LRRTM4: variants seen among roughly 807,000 people sequenced by gnomAD.
LRRTM4 encodes the protein leucine rich repeat transmembrane neuronal 4.
Under a neutral mutation model 47.6 loss-of-function variants are expected in LRRTM4, and 25 were observed. The ratio of observed to expected loss-of-function variants is 0.53; its 90% CI spans 0.38 to 0.73. LRRTM4 has a LOEUF of 0.73. Among genes scored for constraint, LRRTM4 ranks in the 30% least tolerant of loss-of-function variants. The pLI is 0.00. For synonymous variants in LRRTM4, 311 were observed against 269.5 expected, an observed-to-expected ratio of 1.15 and a Z score of -1.51; for missense variants, 638 against 713.4, an observed-to-expected ratio of 0.89 and a Z score of 1.20.
At chr2:77,475,322 T>TG (rs1175215155) in intron 3 of LRRTM4, among the ~76,000 whole-genome samples, 1 of 152,086 alleles carries the variant, frequency 6.6e-6, no homozygotes, top group Admixed American at 6.6e-5. Context: ...TTTTTCCTTT[T>TG]GGGAAAAGCA....
intron 3 of LRRTM4, among the ~76,000 whole-genome samples, chr2:77,403,884 AT>A (rs1308724264): frequency 2.0e-5 from 3 of 148,108 alleles, no homozygotes; most frequent in African/African-American, 7.9e-5. Flanking sequence ...ATATATATAT[AT>A]TTTAGGAAAG....
At chr2:76,780,843 C>A (rs373188604) in intron 3 of LRRTM4, among the ~76,000 whole-genome samples, 1 of 146,662 alleles carries the variant, frequency 6.8e-6, no homozygotes, top group Admixed American at 7.0e-5. Context: ...CTCTGCTTTT[C>A]AGAGTTTCCA....
Position 77,403,332 on chromosome 2 carries a change from T to C in LRRTM4, c.1551+114986A>G, listed in dbSNP as rs1295627875. ...CCAATCCTACTGAACAAATTTTATGTCATGTCTTTTTCATATGATGGGAAC... is the reference window on the plus strand; with the variant it reads ...CCAATCCTACTGAACAAATTTTATGCCATGTCTTTTTCATATGATGGGAAC... On this transcript the variant is annotated intron_variant, in intron 3 of 3. Transcript: ENST00000409884. 3.9e-5 allele frequency among the ~76,000 whole-genome samples: 6 copies of C among 151,940 alleles called. No homozygotes were observed. In the Admixed American group the frequency reaches 3.9e-4, roughly 10 times the overall value.
At chr2:77,072,954 T>C (rs1335506621) in intron 3 of LRRTM4, among the ~76,000 whole-genome samples, 1 of 152,146 alleles carries the variant, frequency 6.6e-6, no homozygotes, top group Non-Finnish European at 1.5e-5. Context: ...TAAATATTAT[T>C]CTTAAGCACA....
At position 77,472,569 on chromosome 2, in the gene LRRTM4, A is replaced by C. The variant is rs542881034; in HGVS notation, c.1551+45749T>G. ...TCCCTAAAATGAAGGGGATTCTGTAAGAGCAGGGCTTTGTCTATACCAAGA... is the reference window on the plus strand; with the variant it reads ...TCCCTAAAATGAAGGGGATTCTGTACGAGCAGGGCTTTGTCTATACCAAGA... On this transcript the variant is annotated intron_variant, in intron 3 of 3. Transcript: ENST00000409884. Among the ~76,000 whole-genome samples the C allele has an allele frequency of 2.2e-3, 332 of 152,144 alleles. 6 individuals are homozygous for C. Among genetic ancestry groups the C allele is most frequent in the Admixed American group, 0.019 (287 of 15,258 alleles).
At chr2:77,104,878 G>A (rs940456776) in intron 3 of LRRTM4, among the ~76,000 whole-genome samples, 1 of 152,090 alleles carries the variant, frequency 6.6e-6, no homozygotes, top group Non-Finnish European at 1.5e-5. Flanking sequence ...AGTCATGTAT[G>A]GAAGAAACCC....
intron 3 of LRRTM4, among the ~76,000 whole-genome samples, chr2:77,190,223 T>G (rs184829772): frequency 8.6e-5 from 13 of 152,042 alleles, no homozygotes; most frequent in African/African-American, 3.1e-4. Flanking sequence ...CATTTGTATA[T>G]TGGTTGGAGA....
chr2:77,025,199 TG>T (rs1022431659), intron 3 of LRRTM4, among the ~76,000 whole-genome samples: 16 of 152,320 alleles, frequency 1.1e-4, no homozygotes, highest in African/African-American at 3.4e-4. Context: ...TATATTTAGC[TG>T]GAAAAATATG....
At chr2:77,286,565 T>C (rs1352188995) in intron 3 of LRRTM4, among the ~76,000 whole-genome samples, 1 of 151,606 alleles carries the variant, frequency 6.6e-6, no homozygotes, top group East Asian at 1.9e-4. Context: ...ATTGGCAGTT[T>C]TTTCTTCACT....
intron 3 of LRRTM4, among the ~76,000 whole-genome samples, chr2:77,200,427 A>G (rs1673941743): frequency 6.6e-6 from 1 of 152,264 alleles, no homozygotes; most frequent in South Asian, 2.1e-4. Context: ...CATAATTGTT[A>G]TGCATATATA....
At chr2:77,267,917 T>A (rs900950150) in intron 3 of LRRTM4, among the ~76,000 whole-genome samples, 1 of 152,128 alleles carries the variant, frequency 6.6e-6, no homozygotes, top group African/African-American at 2.4e-5. Flanking sequence ...ACTAAAAATG[T>A]CCTTATGAAA....
chr2:77,287,046 G>GAAAAATATAAAATAATA (rs1676683769), intron 3 of LRRTM4, among the ~76,000 whole-genome samples: 1 of 152,016 alleles, frequency 6.6e-6, no homozygotes, highest in African/African-American at 2.4e-5. Flanking sequence ...GAGTAGATAG[G>GAAAAATATAAAATAATA]AAAAATATAA....
chr2:76,754,377 A>C (rs893015243), intron 3 of LRRTM4, among the ~76,000 whole-genome samples: 1 of 152,140 alleles, frequency 6.6e-6, no homozygotes, highest in Non-Finnish European at 1.5e-5. Flanking sequence ...TTTAACTTAG[A>C]CAAAAGGGAA....
At chr2:77,269,227 T>C (rs1185286627) in intron 3 of LRRTM4, among the ~76,000 whole-genome samples, 1 of 152,154 alleles carries the variant, frequency 6.6e-6, no homozygotes, top group Non-Finnish European at 1.5e-5. Flanking sequence ...TATTACAATA[T>C]ATGATTATAT....
intron 3 of LRRTM4, among the ~76,000 whole-genome samples, chr2:76,822,950 CAA>C: frequency 6.6e-6 from 1 of 151,320 alleles, no homozygotes; most frequent in South Asian, 2.1e-4. Flanking sequence ...CAATAAAAAA[CAA>C]TGCGCACAAA....
At chr2:77,299,529 G>C (rs1360751719) in intron 3 of LRRTM4, among the ~76,000 whole-genome samples, 1 of 151,884 alleles carries the variant, frequency 6.6e-6, no homozygotes, top group East Asian at 1.9e-4. Flanking sequence ...CTAAATAATA[G>C]ACTCTTCAAA....
intron 3 of LRRTM4, among the ~76,000 whole-genome samples, chr2:77,512,880 C>G (rs1306884170): frequency 1.3e-5 from 2 of 152,022 alleles, no homozygotes; most frequent in African/African-American, 2.4e-5. Flanking sequence ...GATGCTAATA[C>G]CAGCTAATTC....
chr2:77,309,250 C>A (rs1677378419), intron 3 of LRRTM4, among the ~76,000 whole-genome samples: 1 of 152,124 alleles, frequency 6.6e-6, no homozygotes, highest in Non-Finnish European at 1.5e-5. Flanking sequence ...ATGGACAGGT[C>A]TTTCAGGAAG....
intron 3 of LRRTM4, among the ~76,000 whole-genome samples, chr2:77,134,762 T>C (rs1368834805): frequency 6.6e-6 from 1 of 152,168 alleles, no homozygotes; most frequent in Non-Finnish European, 1.5e-5. Context: ...CCAAATGCTA[T>C]AGGTCTTTCA....
Sources: allele counts gnomAD v4.1 joint callset (sites outside exome capture counted in the v4.1 genomes callset), GRCh38; gene constraint gnomAD v4.1.1; transcripts MANE v1.5; gene names NCBI Gene and HGNC (gene_info 2026-07-23, HGNC 2026-07-21).